Variants in PXDNL observed in about 807,000 individuals in gnomAD.
PXDNL encodes the protein peroxidasin like.
PXDNL carries 145 observed loss-of-function variants against 150.8 expected under a neutral mutation model. The observed-to-expected ratio is 0.96, with a 90% CI of 0.84 to 1.10. The LOEUF (loss-of-function observed/expected upper bound fraction) is 1.10, where lower values mean the gene tolerates loss of function less well. Among genes scored for constraint, PXDNL ranks in the 50% least tolerant of loss-of-function variants. PXDNL has a pLI of 0.00. For missense variants in PXDNL, 2,087 were observed against 1,873.9 expected (o/e 1.11, Z -2.10); for synonymous variants, 757 against 725.7 (o/e 1.04, Z -0.69).
At chr8:51,556,964 G>T in intron 3 of PXDNL, 53 bp from the exon 4 acceptor site, 1 of 1,050,342 alleles carries the variant, frequency 9.5e-7, no homozygotes, top group Non-Finnish European at 1.5e-6. Flanking sequence ...GATACCACAT[G>T]TCTTAGATAC....
chr8:51,585,912 C>T (rs1469280187), intron 3 of PXDNL, among the ~76,000 whole-genome samples: 1 of 152,070 alleles, frequency 6.6e-6, no homozygotes, highest in Non-Finnish European at 1.5e-5. Flanking sequence ...TGAGTTCCTA[C>T]TGCATAATCC....
At chr8:51,681,196 C>A (rs4538866) in intron 1 of PXDNL, among the ~76,000 whole-genome samples, 3 of 152,222 alleles carry the variant, frequency 2.0e-5, no homozygotes. Context: ...AAGGAGGTTT[C>A]TTCAGATTTC....
intron 2 of PXDNL, among the ~76,000 whole-genome samples, chr8:51,632,054 A>C (rs1013590131): frequency 2.0e-5 from 3 of 152,160 alleles, no homozygotes; most frequent in African/African-American, 7.2e-5. Flanking sequence ...GGCAGAGAGC[A>C]GCAGAATGAC....
Position 51,409,520 on chromosome 8 carries a change from G to A in PXDNL, c.2104C>T (p.Leu702Phe), listed in dbSNP as rs1237151660. Residue 702 changes from leucine (L) to phenylalanine (F), a missense_variant, in exon 17 of 23, where the codon CTC becomes TTC. Transcript: ENST00000356297. ...GTGCATCCAGATAAATTGGCGATGA[G>A]GCTGAGGGAGCGCGGGGACACCAAG... Reference protein sequence around the residue: ...NDLVSPRSLSLIANLSGCTAR... With the variant: ...NDLVSPRSLSFIANLSGCTAR... 1.6e-5 allele frequency: 26 copies of A among 1,607,746 alleles called. No homozygotes were observed. Among genetic ancestry groups the A allele is most frequent in the Non-Finnish European group, 2.1e-5 (25 of 1,177,848 alleles).
intron 4 of PXDNL, among the ~76,000 whole-genome samples, chr8:51,526,501 G>A (rs1811774392): frequency 6.6e-6 from 1 of 152,136 alleles, no homozygotes. Context: ...AAAATGTCCA[G>A]CAGTTAAGGA....
chr8:51,554,597 C>T (rs556901490), intron 4 of PXDNL, among the ~76,000 whole-genome samples: 51 of 152,292 alleles, frequency 3.3e-4, no homozygotes, highest in African/African-American at 1.2e-3. Flanking sequence ...GCTCCTTCAA[C>T]GTTTTGCTTA....
Position 51,527,746 on chromosome 8 carries a change from A to G in PXDNL, c.381-27976T>C, listed in dbSNP as rs899346441. ...ATCTGCAGGAGTGTGAAGGAAGGCT[A>G]GAGTTGCCATCATGAAATTGTGCAG... On this transcript the variant is annotated intron_variant, in intron 4 of 22. Transcript: ENST00000356297. 2.0e-5 allele frequency among the ~76,000 whole-genome samples: 3 copies of G among 152,224 alleles called. No homozygotes were observed. In the East Asian group the frequency reaches 5.8e-4, roughly 29 times the overall value.
At chr8:51,517,042 A>G (rs992609880) in intron 4 of PXDNL, among the ~76,000 whole-genome samples, 2 of 152,236 alleles carry the variant, frequency 1.3e-5, no homozygotes, top group African/African-American at 4.8e-5. Flanking sequence ...GGAAAAGTAT[A>G]AAACAAATAA....
At chr8:51,640,558 T>G (rs951331340) in intron 2 of PXDNL, among the ~76,000 whole-genome samples, 7 of 152,066 alleles carry the variant, frequency 4.6e-5, no homozygotes, top group Admixed American at 4.6e-4. Flanking sequence ...TACACACCAA[T>G]AACAGACCAA....
intron 1 of PXDNL, among the ~76,000 whole-genome samples, chr8:51,690,047 T>C (rs1815957465): frequency 6.6e-6 from 1 of 152,216 alleles, no homozygotes; most frequent in African/African-American, 2.4e-5. Flanking sequence ...ACCTCTCTGA[T>C]AATAAAACCG....
At chr8:51,593,704 T>C (rs1451336988) in intron 2 of PXDNL, among the ~76,000 whole-genome samples, 4 of 152,210 alleles carry the variant, frequency 2.6e-5, no homozygotes, top group Admixed American at 2.6e-4. Context: ...TAGGCCTCAC[T>C]GTTAAATTCC....
In PXDNL at chr8:51,605,119, G is replaced by T. The variant is rs576688399; in HGVS notation, c.237-12421C>A. Among the ~76,000 whole-genome samples the T allele has an allele frequency of 6.6e-5, 10 of 152,050 alleles. 1 individual carries two copies. In the South Asian group the frequency reaches 1.9e-3, roughly 28 times the overall value. ...TAATTTTGTATTTTCTTATATTATT[G>T]CCTTGTACCATATAAAATATAAATA... On this transcript the variant is annotated intron_variant, in intron 2 of 22. Coordinates refer to ENST00000356297, the MANE Select transcript of PXDNL (RefSeq NM_144651.5).
intron 17 of PXDNL, among the ~76,000 whole-genome samples, chr8:51,386,632 T>C (rs981614181): frequency 6.6e-6 from 1 of 151,902 alleles, no homozygotes; most frequent in African/African-American, 2.4e-5. Context: ...AAATAGATGA[T>C]AGATGGAAAC....
At chr8:51,707,370 A>G (rs1371725485) in intron 1 of PXDNL, among the ~76,000 whole-genome samples, 1 of 152,208 alleles carries the variant, frequency 6.6e-6, no homozygotes, top group African/African-American at 2.4e-5. Flanking sequence ...TTTAAAATGC[A>G]CTTAATGTAT....
rs144708584 is a variant in PXDNL at position 51,343,028 on chromosome 8, G to C, written c.4016+2805C>G. Among the ~76,000 whole-genome samples, 561 of 152,184 alleles carry C rather than the reference G, an allele frequency of 3.7e-3. 3 individuals carry two copies. Among genetic ancestry groups the C allele is most frequent in the African/African-American group, 0.013 (531 of 41,528 alleles). ...GAAGAGAGGCAACGAGCCCAGGTAG[G>C]AAGGTTATTGCAAAAAATGAAACAC... On this transcript the variant is annotated intron_variant, in intron 20 of 22. Transcript: ENST00000356297.
chr8:51,345,761 TA>T (rs1806131932), intron 20 of PXDNL, 71 bp downstream of exon 20: 1 of 865,464 alleles, frequency 1.2e-6, no homozygotes, highest in Non-Finnish European at 1.9e-6. Context: ...TTAAAAAAGA[TA>T]AAAACAAATT....
chr8:51,489,922 A>G (rs894406691), intron 5 of PXDNL, among the ~76,000 whole-genome samples: 1 of 152,186 alleles, frequency 6.6e-6, no homozygotes, highest in Admixed American at 6.5e-5. Context: ...GAGACCAGAA[A>G]CCATGGACTT....
intron 3 of PXDNL, among the ~76,000 whole-genome samples, chr8:51,587,922 G>A (rs972211610): frequency 3.9e-5 from 6 of 152,068 alleles, no homozygotes; most frequent in African/African-American, 1.4e-4. Flanking sequence ...AGAATCCAGT[G>A]GGGAAATCAG....
intron 1 of PXDNL, among the ~76,000 whole-genome samples, chr8:51,736,693 C>A (rs1395804750): frequency 2.0e-5 from 3 of 152,174 alleles, no homozygotes; most frequent in Non-Finnish European, 2.9e-5. Context: ...ATATTTTGTG[C>A]CCCAGTTTTT....
Sources: gnomAD v4.1 joint callset for allele counts (sites outside exome capture counted in the v4.1 genomes callset) on GRCh38, gnomAD v4.1.1 for gene constraint, MANE v1.5 for transcripts, NCBI Gene and HGNC (gene_info 2026-07-23, HGNC 2026-07-21) for gene names.